Variants in LDB2 observed in about 807,000 individuals in gnomAD.
The protein encoded by LDB2 is LIM domain-binding protein 2.
A neutral mutation model predicts 44.3 loss-of-function variants in LDB2; 12 were observed. That is an observed-to-expected ratio of 0.27 (90% CI 0.17 to 0.44). The LOEUF is 0.44. Ranked by LOEUF, LDB2 falls within the 20% of genes least tolerant of loss-of-function variation. The probability of loss-of-function intolerance (pLI) is 1.00; values close to 1 mark genes in which losing one functional copy is unlikely to be tolerated. For synonymous variants in LDB2, 164 were observed against 174.8 expected, an observed-to-expected ratio of 0.94 and a Z score of 0.49; for missense variants, 344 against 473.5, an observed-to-expected ratio of 0.73 and a Z score of 2.54.
At chr4:16,631,368 G>C (rs1400312842) in intron 2 of LDB2, among the ~76,000 whole-genome samples, 1 of 152,136 alleles carries the variant, frequency 6.6e-6, no homozygotes, top group Non-Finnish European at 1.5e-5. Flanking sequence ...CAGAAATAAA[G>C]ATGTTCTTTG....
chr4:16,626,211 T>C (rs1016247159), intron 2 of LDB2, among the ~76,000 whole-genome samples: 2 of 152,216 alleles, frequency 1.3e-5, no homozygotes, highest in Non-Finnish European at 2.9e-5. Context: ...TAATGTTCTC[T>C]TTCCATCTGC....
intron 2 of LDB2, among the ~76,000 whole-genome samples, chr4:16,734,666 G>A (rs1187368227): frequency 6.6e-6 from 1 of 150,556 alleles, no homozygotes; most frequent in Non-Finnish European, 1.5e-5. Flanking sequence ...CACCAAAGAT[G>A]AGGAAGAGCT....
intron 5 of LDB2, among the ~76,000 whole-genome samples, chr4:16,581,054 G>C (rs77343204): frequency 0.092 from 13,963 of 152,184 alleles, 743 homozygotes; most frequent in Non-Finnish European, 0.11. Context: ...AAATGAAAGC[G>C]AAGAATTAAG....
chr4:16,602,509 A>G (rs879752774), intron 2 of LDB2, among the ~76,000 whole-genome samples: 50 of 152,210 alleles, frequency 3.3e-4, no homozygotes, highest in Admixed American at 1.3e-3. Context: ...GGGTCAGATT[A>G]TGTGGGACTT....
chr4:16,552,004 T>C (rs1235599021), intron 5 of LDB2, among the ~76,000 whole-genome samples: 2 of 152,160 alleles, frequency 1.3e-5, no homozygotes, highest in Admixed American at 6.5e-5. Flanking sequence ...TTCTTCCAAC[T>C]ATCCAACAAA....
At chr4:16,673,088 G>T (rs573228133) in intron 2 of LDB2, among the ~76,000 whole-genome samples, 1 of 151,824 alleles carries the variant, frequency 6.6e-6, no homozygotes, top group African/African-American at 2.4e-5. Flanking sequence ...TGAAGATTCT[G>T]GTTTGTGACC....
intron 3 of LDB2, among the ~76,000 whole-genome samples, chr4:16,595,331 G>A (rs552698320): frequency 1.3e-5 from 2 of 152,184 alleles, no homozygotes; most frequent in East Asian, 3.9e-4. Context: ...AGTTATTTCA[G>A]TAACAAAGCT....
chr4:16,732,404 C>T (rs1579150695), intron 2 of LDB2, among the ~76,000 whole-genome samples: 1 of 152,314 alleles, frequency 6.6e-6, no homozygotes, highest in East Asian at 1.9e-4. Flanking sequence ...ATGCTCTTTG[C>T]CACCATAGCT....
At chr4:16,656,066 A>AT (rs1178883607) in intron 2 of LDB2, among the ~76,000 whole-genome samples, 1 of 151,560 alleles carries the variant, frequency 6.6e-6, no homozygotes. Flanking sequence ...CGCCCGGCTA[A>AT]TTTTTTGTAT....
At chr4:16,829,053 C>T (rs1420281055) in intron 1 of LDB2, among the ~76,000 whole-genome samples, 1 of 152,122 alleles carries the variant, frequency 6.6e-6, no homozygotes, top group Non-Finnish European at 1.5e-5. Context: ...ACTTACATGC[C>T]CTACCCACTC....
chr4:16,674,166 T>C (rs1393456467), intron 2 of LDB2: 4 of 1,129,424 alleles, frequency 3.5e-6, no homozygotes, highest in East Asian at 5.8e-5. Context: ...AATTCACGCC[T>C]TAAAACAAAT....
intron 1 of LDB2, among the ~76,000 whole-genome samples, chr4:16,809,751 A>AAAAC (rs1561302562): frequency 2.0e-5 from 3 of 151,814 alleles, no homozygotes; most frequent in African/African-American, 7.3e-5. Flanking sequence ...CAAAAAAAAA[A>AAAAC]CGGAACTACA....
chr4:16,847,748 C>A (rs1414143513), intron 1 of LDB2, among the ~76,000 whole-genome samples: 1 of 152,184 alleles, frequency 6.6e-6, no homozygotes, highest in Non-Finnish European at 1.5e-5. Flanking sequence ...TCCCGAGTAG[C>A]TGGGGCTACA....
At chr4:16,544,397 A>C (rs1734972272) in intron 5 of LDB2, among the ~76,000 whole-genome samples, 1 of 152,154 alleles carries the variant, frequency 6.6e-6, no homozygotes, top group South Asian at 2.1e-4. Context: ...AGTGGGCTTC[A>C]TGGGTTTAGG....
intron 1 of LDB2, among the ~76,000 whole-genome samples, chr4:16,815,302 T>C (rs942647274): frequency 6.6e-6 from 1 of 152,204 alleles, no homozygotes; most frequent in Admixed American, 6.5e-5. Flanking sequence ...AAACTATCCC[T>C]GAAACTAGTG....
chr4:16,566,701 G>A (rs1744651946), intron 5 of LDB2, among the ~76,000 whole-genome samples: 1 of 151,968 alleles, frequency 6.6e-6, no homozygotes, highest in South Asian at 2.1e-4. Flanking sequence ...ATATTCAATG[G>A]AAAGCAAACT....
intron 1 of LDB2, among the ~76,000 whole-genome samples, chr4:16,870,481 A>G (rs185126453): frequency 3.7e-4 from 56 of 152,098 alleles, no homozygotes; most frequent in Non-Finnish European, 7.2e-4. Flanking sequence ...CCCAGAGCAT[A>G]TGGGGACCTG....
chr4:16,882,008 A>G (rs774330382), intron 1 of LDB2, among the ~76,000 whole-genome samples: 3 of 152,254 alleles, frequency 2.0e-5, no homozygotes, highest in Non-Finnish European at 2.9e-5. Context: ...CCCACATAGC[A>G]CAAGCAATTT....
At chr4:16,884,285 G>A (rs1188309564) in intron 1 of LDB2, among the ~76,000 whole-genome samples, 1 of 152,196 alleles carries the variant, frequency 6.6e-6, no homozygotes, top group African/African-American at 2.4e-5. Context: ...AACTCTGTGA[G>A]GCGGGGACTA....
Sources: gnomAD v4.1 joint callset for allele counts (sites outside exome capture counted in the v4.1 genomes callset) on GRCh38, gnomAD v4.1.1 for gene constraint, MANE v1.5 for transcripts, NCBI Gene and HGNC (gene_info 2026-07-23, HGNC 2026-07-21) for gene names.